THSD7B: variants seen among roughly 807,000 people sequenced by gnomAD.
The protein encoded by THSD7B is thrombospondin type 1 domain containing 7B.
In THSD7B, 138 loss-of-function variants were observed where a neutral mutation model predicts 213.6. The ratio of observed to expected loss-of-function variants is 0.65; its 90% CI spans 0.56 to 0.74. The LOEUF is 0.74. THSD7B is among the 30% of genes least tolerant of loss of function. THSD7B has a pLI of 0.00. For synonymous variants in THSD7B, 742 were observed against 687.0 expected (o/e 1.08, Z -1.25); for missense variants, 1,931 against 1,991.5 (o/e 0.97, Z 0.58).
chr2:137,525,475 C>A (rs1349850719), intron 15 of THSD7B, among the ~76,000 whole-genome samples: 1 of 152,144 alleles, frequency 6.6e-6, no homozygotes, highest in Non-Finnish European at 1.5e-5. Flanking sequence ...ACTTATTTAT[C>A]CATTTCCCAG....
At position 136,893,038 on chromosome 2, in the gene THSD7B, G is replaced by A. The variant is rs1683892067; in HGVS notation, c.139+10721G>A. ...CTGTTATTTCAGTGGAGTATTAGCA[G>A]GGAGTGAAAATTATACCTATGTCAT... is the stretch of plus-strand genomic sequence containing the variant. On this transcript the variant is annotated intron_variant, in intron 2 of 27. Transcript: ENST00000409968. 1.3e-5 allele frequency among the ~76,000 whole-genome samples: 2 copies of A among 152,124 alleles called. 1 individual carries two copies. The highest frequency in any genetic ancestry group is 1.3e-4 in the Admixed American group (2 of 15,256).
intron 2 of THSD7B, among the ~76,000 whole-genome samples, chr2:137,001,904 T>C (rs1364418614): frequency 6.6e-6 from 1 of 152,202 alleles, no homozygotes; most frequent in African/African-American, 2.4e-5. Context: ...TTCTTTTTTC[T>C]TATAAAAATA....
chr2:136,976,764 G>A (rs895923998), intron 2 of THSD7B, among the ~76,000 whole-genome samples: 1 of 152,102 alleles, frequency 6.6e-6, no homozygotes, highest in Non-Finnish European at 1.5e-5. Flanking sequence ...TAGGACTACA[G>A]GCGCCTGCCA....
chr2:136,918,570 G>T (rs889533084), intron 2 of THSD7B, among the ~76,000 whole-genome samples: 3 of 152,194 alleles, frequency 2.0e-5, no homozygotes, highest in Non-Finnish European at 2.9e-5. Flanking sequence ...TGAAGGTAAA[G>T]GTCTGATAGT....
intron 2 of THSD7B, among the ~76,000 whole-genome samples, chr2:136,966,674 C>A (rs1419650191): frequency 2.2e-4 from 34 of 152,118 alleles, no homozygotes. Flanking sequence ...TTTCTTAGCT[C>A]CTATTCAGCC....
chr2:136,926,301 C>A (rs1684522621), intron 2 of THSD7B, among the ~76,000 whole-genome samples: 1 of 151,882 alleles, frequency 6.6e-6, no homozygotes, highest in Non-Finnish European at 1.5e-5. Flanking sequence ...GGCTCTGACT[C>A]CCTGCCTTTT....
At chr2:137,029,756 A>G (rs550200692) in intron 2 of THSD7B, among the ~76,000 whole-genome samples, 1 of 152,268 alleles carries the variant, frequency 6.6e-6, no homozygotes, top group East Asian at 1.9e-4. Flanking sequence ...TTTATCTACA[A>G]GAGAGGAGGT....
At chr2:137,283,129 G>C (rs201049588) in intron 12 of THSD7B, among the ~76,000 whole-genome samples, 1 of 152,046 alleles carries the variant, frequency 6.6e-6, no homozygotes, top group Non-Finnish European at 1.5e-5. Flanking sequence ...CACATCCCTT[G>C]TAAGTTGGAT....
chr2:137,286,153 A>G (rs543711953), intron 12 of THSD7B, among the ~76,000 whole-genome samples: 4 of 151,998 alleles, frequency 2.6e-5, no homozygotes, highest in Non-Finnish European at 5.9e-5. Context: ...TACATAAAGT[A>G]TATATTTATA....
intron 4 of THSD7B, among the ~76,000 whole-genome samples, chr2:137,105,887 A>G (rs1688238393): frequency 6.6e-6 from 1 of 152,188 alleles, no homozygotes; most frequent in Non-Finnish European, 1.5e-5. Flanking sequence ...TGCTCAAGGA[A>G]ATAAGAGAGG....
At chr2:137,213,559 G>A (rs1046827681) in intron 7 of THSD7B, among the ~76,000 whole-genome samples, 26 of 150,074 alleles carry the variant, frequency 1.7e-4, no homozygotes, top group Non-Finnish European at 3.7e-4. Flanking sequence ...ATTTATATAT[G>A]TGGATAATCA....
chr2:136,999,354 T>C (rs1685959469), intron 2 of THSD7B, among the ~76,000 whole-genome samples: 2 of 152,160 alleles, frequency 1.3e-5, no homozygotes, highest in African/African-American at 2.4e-5. Flanking sequence ...TTCCTTCATG[T>C]TTAGTAAAAG....
At chr2:137,351,794 T>C (rs1053990396) in intron 12 of THSD7B, among the ~76,000 whole-genome samples, 21 of 151,872 alleles carry the variant, frequency 1.4e-4, no homozygotes, top group African/African-American at 4.8e-4. Context: ...GGATGGCCTT[T>C]TAATAATATT....
chr2:137,323,675 T>C (rs1377277186), intron 12 of THSD7B, among the ~76,000 whole-genome samples: 1 of 152,174 alleles, frequency 6.6e-6, no homozygotes, highest in Non-Finnish European at 1.5e-5. Context: ...GTGTTTAGTC[T>C]CTTGCTTATG....
chr2:137,037,659 G>A (rs1686802858), intron 2 of THSD7B, among the ~76,000 whole-genome samples: 1 of 152,034 alleles, frequency 6.6e-6, no homozygotes, highest in Admixed American at 6.6e-5. Context: ...GTTTTTCTTA[G>A]TCTTTTAAGA....
At chr2:136,866,438 A>G (rs369234098) in intron 1 of THSD7B, among the ~76,000 whole-genome samples, 45 of 152,288 alleles carry the variant, frequency 3.0e-4, no homozygotes, top group African/African-American at 1.0e-3. Flanking sequence ...ATAAAAAATC[A>G]CTATATTAAA....
chr2:136,908,508 A>T (rs1684205422), intron 2 of THSD7B, among the ~76,000 whole-genome samples: 1 of 152,214 alleles, frequency 6.6e-6, no homozygotes, highest in Non-Finnish European at 1.5e-5. Context: ...CTGAGTTTCC[A>T]CCTGGGATTT....
At chr2:136,892,296 T>C (rs12623009) in intron 2 of THSD7B, among the ~76,000 whole-genome samples, 55,563 of 151,940 alleles carry the variant, frequency 0.37, 11,601 homozygotes, top group East Asian at 0.98. Context: ...GTTTTAAAGC[T>C]GCCATGACCC....
chr2:137,662,900 CA>C (rs928675070), intron 25 of THSD7B, among the ~76,000 whole-genome samples: 5 of 150,958 alleles, frequency 3.3e-5, no homozygotes, highest in African/African-American at 1.2e-4. Context: ...ATTAAAAGAA[CA>C]AAAAAAAGAC....
Sources: gnomAD v4.1 joint callset for allele counts (sites outside exome capture counted in the v4.1 genomes callset) on GRCh38, gnomAD v4.1.1 for gene constraint, MANE v1.5 for transcripts, NCBI Gene and HGNC (gene_info 2026-07-23, HGNC 2026-07-21) for gene names.